NKAIN3: variants seen among roughly 807,000 people sequenced by gnomAD.
The protein encoded by NKAIN3 is sodium/potassium transporting ATPase interacting 3.
In NKAIN3, 25 loss-of-function variants were observed where a neutral mutation model predicts 30.2. That is an observed-to-expected ratio of 0.83 (90% confidence interval 0.60 to 1.16). The LOEUF is 1.16. Among genes scored for constraint, NKAIN3 ranks in the 50% most tolerant of loss-of-function variants. The pLI is 0.00. For missense variants in NKAIN3, 225 were observed against 254.1 expected (o/e 0.89, Z 0.78); for synonymous variants, 91 against 89.6 (o/e 1.02, Z -0.09).
At chr8:62,646,328 C>T (rs1812459403) in intron 3 of NKAIN3, among the ~76,000 whole-genome samples, 1 of 152,064 alleles carries the variant, frequency 6.6e-6, no homozygotes, top group African/African-American at 2.4e-5. Flanking sequence ...AGGAGGCATT[C>T]ATTTACATTC....
intron 1 of NKAIN3, among the ~76,000 whole-genome samples, chr8:62,420,779 T>A (rs1804612886): frequency 6.6e-6 from 1 of 152,180 alleles, no homozygotes; most frequent in South Asian, 2.1e-4. Flanking sequence ...AATTAGATCA[T>A]TTTCAGATAA....
chr8:62,818,749 C>T (rs1357884940), intron 4 of NKAIN3, among the ~76,000 whole-genome samples: 2 of 151,970 alleles, frequency 1.3e-5, no homozygotes, highest in African/African-American at 4.8e-5. Flanking sequence ...GCTGCCAGAA[C>T]ACAGAAGAGG....
At chr8:62,622,137 T>C (rs1490515875) in intron 3 of NKAIN3, among the ~76,000 whole-genome samples, 1 of 152,086 alleles carries the variant, frequency 6.6e-6, no homozygotes, top group African/African-American at 2.4e-5. Flanking sequence ...CTCCTTTTTA[T>C]TACTGAGTAG....
At chr8:62,869,526 C>T (rs1162434345) in intron 4 of NKAIN3, among the ~76,000 whole-genome samples, 1 of 152,152 alleles carries the variant, frequency 6.6e-6, no homozygotes, top group Non-Finnish European at 1.5e-5. Flanking sequence ...CTCCAATAGG[C>T]AAATTAGGTT....
intron 2 of NKAIN3, among the ~76,000 whole-genome samples, chr8:62,587,820 A>C (rs999706905): frequency 2.0e-5 from 3 of 152,026 alleles, no homozygotes; most frequent in Non-Finnish European, 4.4e-5. Context: ...ATAGCCTGGT[A>C]ATTTTGCCTT....
At chr8:62,775,756 G>A (rs1817173383) in intron 4 of NKAIN3, among the ~76,000 whole-genome samples, 1 of 151,784 alleles carries the variant, frequency 6.6e-6, no homozygotes, top group Admixed American at 6.6e-5. Context: ...AGTATCCATT[G>A]TATATTCTGC....
intron 4 of NKAIN3, among the ~76,000 whole-genome samples, chr8:62,780,586 C>T (rs1817326769): frequency 6.6e-6 from 1 of 151,950 alleles, no homozygotes; most frequent in Non-Finnish European, 1.5e-5. Context: ...AAATAATATA[C>T]CATGATCAAG....
chr8:62,383,229 G>A (rs1817329159), intron 1 of NKAIN3, among the ~76,000 whole-genome samples: 1 of 152,134 alleles, frequency 6.6e-6, no homozygotes, highest in Non-Finnish European at 1.5e-5. Flanking sequence ...AGCACTGATG[G>A]AACCAATCCA....
chr8:62,956,884 G>T (rs574212055), intron 6 of NKAIN3, among the ~76,000 whole-genome samples: 25 of 152,350 alleles, frequency 1.6e-4, no homozygotes, highest in African/African-American at 5.5e-4. Context: ...ATTTTATGCG[G>T]GAGGGGGAAT....
chr8:62,585,229 C>T (rs921823941), intron 2 of NKAIN3, among the ~76,000 whole-genome samples: 1 of 152,088 alleles, frequency 6.6e-6, no homozygotes, highest in Admixed American at 6.6e-5. Flanking sequence ...TGTAGTGTTG[C>T]GAGCTCCTGC....
At chr8:62,750,159 G>C (rs547295758) in intron 4 of NKAIN3, among the ~76,000 whole-genome samples, 124 of 152,096 alleles carry the variant, frequency 8.2e-4, no homozygotes, top group Non-Finnish European at 1.4e-3. Context: ...GCAGGGGCTC[G>C]GCGGCTCTGC....
intron 4 of NKAIN3, among the ~76,000 whole-genome samples, chr8:62,802,599 G>C (rs1366030364): frequency 1.3e-5 from 2 of 152,058 alleles, no homozygotes; most frequent in African/African-American, 2.4e-5. Flanking sequence ...TGCCCTAAAA[G>C]AGCTCCTGAA....
chr8:62,490,719 C>G lies in NKAIN3; in HGVS notation c.55-88820C>G, dbSNP rs1470471261. 3.3e-5 allele frequency among the ~76,000 whole-genome samples: 5 copies of G among 152,136 alleles called. No homozygotes were observed. In the South Asian group the frequency reaches 1.0e-3, roughly 31 times the overall value. ...GGTACCAAATGATGGCCCAGCCCAT[C>G]ACGATGCCATCCCAGTGCTGGCATC... On this transcript the variant is annotated intron_variant, in intron 1 of 6. Coordinates refer to ENST00000623646, the MANE Select transcript of NKAIN3 (RefSeq NM_001304533.3).
At chr8:62,431,175 C>T (rs1317177216) in intron 1 of NKAIN3, among the ~76,000 whole-genome samples, 1 of 151,814 alleles carries the variant, frequency 6.6e-6, no homozygotes, top group Non-Finnish European at 1.5e-5. Flanking sequence ...TAGTCTGAAT[C>T]AAAGATTTAT....
intron 1 of NKAIN3, among the ~76,000 whole-genome samples, chr8:62,292,316 G>T (rs1442310139): frequency 6.6e-6 from 1 of 152,144 alleles, no homozygotes; most frequent in Non-Finnish European, 1.5e-5. Flanking sequence ...AGTTGATGTG[G>T]TTTCTTCCTA....
At chr8:62,556,860 G>C (rs1219824821) in intron 1 of NKAIN3, among the ~76,000 whole-genome samples, 2 of 152,022 alleles carry the variant, frequency 1.3e-5, no homozygotes, top group African/African-American at 4.8e-5. Context: ...ACATGGTTTA[G>C]TGCTTGAGAG....
intron 4 of NKAIN3, among the ~76,000 whole-genome samples, chr8:62,914,560 A>G (rs865994738): frequency 1.3e-5 from 2 of 152,186 alleles, no homozygotes; most frequent in Non-Finnish European, 2.9e-5. Context: ...TAGGTAGGAT[A>G]AAACATGGAC....
At chr8:62,327,016 A>G (rs1215775043) in intron 1 of NKAIN3, among the ~76,000 whole-genome samples, 1 of 151,862 alleles carries the variant, frequency 6.6e-6, no homozygotes, top group Non-Finnish European at 1.5e-5. Flanking sequence ...ATAGTAGCCA[A>G]CCTAATGGTG....
intron 3 of NKAIN3, among the ~76,000 whole-genome samples, chr8:62,607,344 C>T (rs1178731691): frequency 1.3e-5 from 2 of 152,120 alleles, no homozygotes; most frequent in Non-Finnish European, 2.9e-5. Context: ...TGAATGCACA[C>T]CCCCTGCTGG....
Sources: allele counts gnomAD v4.1 joint callset (sites outside exome capture counted in the v4.1 genomes callset), GRCh38; gene constraint gnomAD v4.1.1; transcripts MANE v1.5; gene names NCBI Gene and HGNC (gene_info 2026-07-23, HGNC 2026-07-21).